TKT: variants seen among roughly 807,000 people sequenced by gnomAD.
The protein encoded by TKT is transketolase, also known as epididymis luminal protein 107.
In TKT, 47 loss-of-function variants were observed where a neutral mutation model predicts 63.9. The ratio of observed to expected loss-of-function variants is 0.74; its 90% CI spans 0.58 to 0.94. The LOEUF (loss-of-function observed/expected upper bound fraction) is 0.94. TKT is among the 40% of genes least tolerant of loss of function. The probability of loss-of-function intolerance (pLI) is 0.00; values close to 1 mark genes in which losing one functional copy is unlikely to be tolerated. For synonymous variants in TKT, 338 were observed against 334.1 expected, an observed-to-expected ratio of 1.01 and a Z score of -0.13; for missense variants, 721 against 846.2, an observed-to-expected ratio of 0.85 and a Z score of 1.84.
intron 1 of TKT, among the ~76,000 whole-genome samples, chr3:53,246,510 T>C (rs1705511489): frequency 6.6e-6 from 1 of 152,188 alleles, no homozygotes. Context: ...AGGATCTGTT[T>C]AACAAAGAAG....
intron 1 of TKT, 59 bp from the exon 2 acceptor site, chr3:53,242,301 G>C: frequency 6.6e-7 from 1 of 1,519,502 alleles, no homozygotes; most frequent in Non-Finnish European, 9.1e-7. Context: ...CTGAGCTATT[G>C]TGCTCAGCTG....
intron 3 of TKT, 81 bp from the exon 4 acceptor site, chr3:53,240,429 C>A (rs976247889): frequency 4.4e-6 from 6 of 1,353,690 alleles, no homozygotes; most frequent in Non-Finnish European, 6.1e-6. Context: ...CACTCCCACC[C>A]AGCCCAGCAA....
At chr3:53,238,192 A>G (rs1420939799) in intron 4 of TKT, among the ~76,000 whole-genome samples, 4 of 152,164 alleles carry the variant, frequency 2.6e-5, no homozygotes, top group Non-Finnish European at 5.9e-5. Context: ...CCCTACACTG[A>G]CTTGTTCCAT....
intron 12 of TKT, 119 bp from the exon 13 acceptor site, chr3:53,226,997 C>T: frequency 1.5e-6 from 2 of 1,301,090 alleles, no homozygotes; most frequent in Non-Finnish European, 2.1e-6. Flanking sequence ...GCCTGCGGGC[C>T]TGTCCCTGTC....
chr3:53,226,584 C>T (rs1704506097), intron 13 of TKT, 172 bp downstream of exon 13: 4 of 886,504 alleles, frequency 4.5e-6, no homozygotes, highest in Non-Finnish European at 5.1e-6. Context: ...AGCTAGGTCC[C>T]CAGGCCAAGC....
In TKT at chr3:53,225,939, T is replaced by C. The variant is rs782110744; in HGVS notation, c.1697-8A>G. ...CAGCCTCACCAATGCCACCTAGAAATGAAAGGAGGGGAGTCAGAAGACGAG... is the reference window on the plus strand; with the variant it reads ...CAGCCTCACCAATGCCACCTAGAAACGAAAGGAGGGGAGTCAGAAGACGAG... On this transcript the variant is annotated splice_polypyrimidine_tract_variant and splice_region_variant and intron_variant, in intron 13 of 13. Coordinates refer to ENST00000462138, the MANE Select transcript of TKT (RefSeq NM_001064.4). 4 of 1,601,088 alleles carry C rather than the reference T, an allele frequency of 2.5e-6. No homozygotes were observed. The highest frequency in any genetic ancestry group is 1.7e-6 in the Non-Finnish European group (2 of 1,171,920).
At chr3:53,238,096 C>T (rs1553679099) in intron 4 of TKT, among the ~76,000 whole-genome samples, 1 of 152,160 alleles carries the variant, frequency 6.6e-6, no homozygotes. Context: ...CTGGCCCCTT[C>T]CCCCAGGTAC....
intron 1 of TKT, among the ~76,000 whole-genome samples, chr3:53,251,966 G>A (rs575252509): frequency 1.3e-5 from 2 of 152,216 alleles, no homozygotes; most frequent in African/African-American, 2.4e-5. Flanking sequence ...GAGAAACCCC[G>A]TCTCTACGGG....
At chr3:53,230,231 C>T (rs1393422802) in intron 8 of TKT, among the ~76,000 whole-genome samples, 1 of 152,256 alleles carries the variant, frequency 6.6e-6, no homozygotes, top group Non-Finnish European at 1.5e-5. Flanking sequence ...CAGTCCCATT[C>T]GGCTCCCCCA....
chr3:53,251,458 C>T (rs926219714), intron 1 of TKT, among the ~76,000 whole-genome samples: 2 of 152,194 alleles, frequency 1.3e-5, no homozygotes, highest in Non-Finnish European at 2.9e-5. Context: ...GAAGCTCTAG[C>T]CACTGTGGGC....
In TKT at chr3:53,253,607, A is replaced by G. The variant is rs560379529; in HGVS notation, c.107+2229T>C. Reference sequence around the variant, plus strand: ...TGGTGAAACCCCATCTCTACTAAAAATACAAAAATTAGCCGGTGCGGTGGC... The same window carrying G: ...TGGTGAAACCCCATCTCTACTAAAAGTACAAAAATTAGCCGGTGCGGTGGC... On this transcript the variant is annotated intron_variant, in intron 1 of 13. Transcript: ENST00000462138. Among the ~76,000 whole-genome samples the G allele has an allele frequency of 2.9e-3, 447 of 152,322 alleles. 4 individuals carry two copies. Among genetic ancestry groups the G allele is most frequent in the African/African-American group, 1.0e-2 (415 of 41,586 alleles).
At chr3:53,244,757 CTG>C (rs1705433436) in intron 1 of TKT, among the ~76,000 whole-genome samples, 1 of 151,978 alleles carries the variant, frequency 6.6e-6, no homozygotes, top group Admixed American at 6.6e-5. Context: ...TCCCGTGGTG[CTG>C]TGTGTGACAA....
At chr3:53,250,147 C>T (rs1161082106) in intron 1 of TKT, among the ~76,000 whole-genome samples, 1 of 152,212 alleles carries the variant, frequency 6.6e-6, no homozygotes, top group African/African-American at 2.4e-5. Flanking sequence ...TGTCTTCACA[C>T]TGAGTGAGGA....
intron 1 of TKT, among the ~76,000 whole-genome samples, chr3:53,243,036 A>G (rs1705352853): frequency 6.6e-6 from 1 of 152,178 alleles, no homozygotes; most frequent in Non-Finnish European, 1.5e-5. Context: ...ACAATCATGT[A>G]TTAATAAAAA....
At chr3:53,236,991 TGTA>T (rs1434524658) in intron 4 of TKT, among the ~76,000 whole-genome samples, 1 of 152,244 alleles carries the variant, frequency 6.6e-6, no homozygotes, top group Non-Finnish European at 1.5e-5. Context: ...CGACATTTGT[TGTA>T]GAACGATTTG....
chr3:53,243,433 C>G (rs907320605), intron 1 of TKT: 12 of 373,880 alleles, frequency 3.2e-5, no homozygotes, highest in Non-Finnish European at 6.4e-5. Context: ...GGAGCTCACG[C>G]CGCCAGCCTC....
rs141894070 is a variant in TKT, at chr3:53,234,633, C to T, written c.629+350G>A. 1,460 of 177,306 alleles carry T rather than the reference C, an allele frequency of 8.2e-3. 17 individuals carry two copies. The highest frequency in any genetic ancestry group is 7.9e-3 in the Non-Finnish European group (672 of 84,778). The allele number at this position is 177,306 out of a possible 1,614,324, so 11.0% of individuals were successfully genotyped here. Reference sequence around the variant, plus strand: ...CACCAAACTGAGGTTCAAACCTCTCCGCAGCTATACATCCTTTAGCTTTAC... The same window carrying T: ...CACCAAACTGAGGTTCAAACCTCTCTGCAGCTATACATCCTTTAGCTTTAC... On this transcript the variant is annotated intron_variant, in intron 5 of 13. Transcript: ENST00000462138.
At chr3:53,246,683 T>A (rs1047950081) in intron 1 of TKT, among the ~76,000 whole-genome samples, 3 of 151,658 alleles carry the variant, frequency 2.0e-5, no homozygotes, top group Non-Finnish European at 4.4e-5. Context: ...ATAAACCCCA[T>A]CTCTACTAAA....
intron 4 of TKT, among the ~76,000 whole-genome samples, chr3:53,239,129 G>A (rs1218996571): frequency 6.6e-6 from 1 of 152,036 alleles, no homozygotes; most frequent in East Asian, 1.9e-4. Context: ...CTCTCTCTTT[G>A]CCTGCGCCTT....
Sources: allele counts gnomAD v4.1 joint callset (sites outside exome capture counted in the v4.1 genomes callset), GRCh38; gene constraint gnomAD v4.1.1; transcripts MANE v1.5; gene names NCBI Gene and HGNC (gene_info 2026-07-23, HGNC 2026-07-21).